Variants in GABRB2 observed in about 807,000 individuals in gnomAD.
GABRB2 encodes the protein gamma-aminobutyric acid type A receptor subunit beta2.
GABRB2 carries 16 observed loss-of-function variants against 54.7 expected under a neutral mutation model. The ratio of observed to expected loss-of-function variants is 0.29; its 90% CI spans 0.20 to 0.44. The LOEUF (loss-of-function observed/expected upper bound fraction) is 0.44. GABRB2 is among the 20% of genes least tolerant of loss of function. GABRB2 has a pLI of 1.00. For missense variants in GABRB2, 355 were observed against 644.0 expected, an observed-to-expected ratio of 0.55 and a Z score of 4.86; for synonymous variants, 244 against 233.8, an observed-to-expected ratio of 1.04 and a Z score of -0.40.
At position 161,381,995 on chromosome 5, in the gene GABRB2, T is replaced by C. The variant is rs1561630218; in HGVS notation, c.541+28980A>G. The stretch of plus-strand genomic sequence containing the variant: ...CCAGTTACATTATCTGGTTGCATGT[T>C]CAGCATCCTGTTCATTTCCATTTTG... On this transcript the variant is annotated intron_variant, in intron 5 of 9. Coordinates refer to ENST00000393959, the MANE Select transcript of GABRB2 (RefSeq NM_001371727.1). Among the ~76,000 whole-genome samples, 7 of 152,320 alleles carry C rather than the reference T, an allele frequency of 4.6e-5. No individual in the cohort carries two copies. In the South Asian group the frequency reaches 1.0e-3, roughly 23 times the overall value.
chr5:161,517,580 A>T (rs1759985937), intron 3 of GABRB2, among the ~76,000 whole-genome samples: 1 of 152,108 alleles, frequency 6.6e-6, no homozygotes, highest in Non-Finnish European at 1.5e-5. Context: ...GGACTGGTGT[A>T]AACACTCTCT....
chr5:161,347,487 C>T lies in GABRB2; in HGVS notation c.542-10718G>A, dbSNP rs143972467. Among the ~76,000 whole-genome samples the T allele has an allele frequency of 3.2e-3, 484 of 152,214 alleles. 2 individuals are homozygous for T. The highest frequency in any genetic ancestry group is 6.8e-3 in the Middle Eastern group (2 of 294). On this transcript the variant is annotated intron_variant, in intron 5 of 9. Coordinates refer to ENST00000393959, the MANE Select transcript of GABRB2 (RefSeq NM_001371727.1). ...GCAGAGGTAGAGTATTTCCCCACGC[C>T]TTGAATGTGAGCTGCCCTTGCTACT...
intron 3 of GABRB2, among the ~76,000 whole-genome samples, chr5:161,490,723 C>T (rs1759073266): frequency 6.6e-6 from 1 of 151,728 alleles, no homozygotes; most frequent in African/African-American, 2.4e-5. Flanking sequence ...ACACAGTAAA[C>T]TCACATTAAA....
chr5:161,478,885 C>G (rs535324991), intron 3 of GABRB2, among the ~76,000 whole-genome samples: 2 of 152,132 alleles, frequency 1.3e-5, no homozygotes, highest in African/African-American at 2.4e-5. Context: ...ATTTTAGGTG[C>G]TTATTTTCAT....
At chr5:161,321,952 C>A (rs1758223486) in intron 9 of GABRB2, among the ~76,000 whole-genome samples, 1 of 151,936 alleles carries the variant, frequency 6.6e-6, no homozygotes, top group African/African-American at 2.4e-5. Flanking sequence ...CAAAATTTTT[C>A]CAGGGAACAA....
chr5:161,464,564 C>T (rs1030064113), intron 3 of GABRB2, among the ~76,000 whole-genome samples: 2 of 152,028 alleles, frequency 1.3e-5, no homozygotes, highest in South Asian at 4.1e-4. Context: ...ATACATTTGA[C>T]ACAGAACCTA....
At chr5:161,503,574 G>A (rs1759512322) in intron 3 of GABRB2, among the ~76,000 whole-genome samples, 2 of 151,964 alleles carry the variant, frequency 1.3e-5, no homozygotes, top group South Asian at 4.2e-4. Flanking sequence ...CGGGCATGGT[G>A]GTGCATGCCT....
intron 5 of GABRB2, 101 bp downstream of exon 5, chr5:161,410,874 C>A (rs935831566): frequency 4.8e-6 from 4 of 828,866 alleles, no homozygotes; most frequent in Middle Eastern, 3.1e-4. Flanking sequence ...CTAGCAGAAC[C>A]TTTGCAGGGC....
chr5:161,385,885 C>G (rs905824441), intron 5 of GABRB2, among the ~76,000 whole-genome samples: 1 of 149,972 alleles, frequency 6.7e-6, no homozygotes, highest in African/African-American at 2.5e-5. Context: ...AGTAAAACAT[C>G]TAAAACATTT....
At chr5:161,463,070 T>A (rs1269261550) in intron 3 of GABRB2, among the ~76,000 whole-genome samples, 1 of 151,998 alleles carries the variant, frequency 6.6e-6, no homozygotes, top group Non-Finnish European at 1.5e-5. Context: ...ATTTACATAA[T>A]TAAAACTAAA....
chr5:161,347,582 G>A (rs1754354563), intron 5 of GABRB2, among the ~76,000 whole-genome samples: 1 of 152,002 alleles, frequency 6.6e-6, no homozygotes, highest in Non-Finnish European at 1.5e-5. Context: ...TGGATAGCCT[G>A]CAGTATGATG....
At chr5:161,457,206 G>A (rs1006534298) in intron 4 of GABRB2, among the ~76,000 whole-genome samples, 2 of 152,112 alleles carry the variant, frequency 1.3e-5, no homozygotes, top group Non-Finnish European at 2.9e-5. Flanking sequence ...GTGGGGAAGT[G>A]TTAATTCTAT....
At chr5:161,413,517 G>T (rs1352558479) in intron 4 of GABRB2, among the ~76,000 whole-genome samples, 3 of 152,084 alleles carry the variant, frequency 2.0e-5, no homozygotes, top group Non-Finnish European at 2.9e-5. Context: ...TTTTGGCTCT[G>T]TGACACTTGG....
chr5:161,465,191 A>G (rs1235657029), intron 3 of GABRB2, among the ~76,000 whole-genome samples: 1 of 152,098 alleles, frequency 6.6e-6, no homozygotes, highest in African/African-American at 2.4e-5. Flanking sequence ...CCAAGTCAAA[A>G]GAACAACTAT....
At chr5:161,526,106 A>G (rs1760270759) in intron 3 of GABRB2, among the ~76,000 whole-genome samples, 2 of 151,594 alleles carry the variant, frequency 1.3e-5, no homozygotes, top group South Asian at 2.1e-4. Flanking sequence ...TGTATATGGT[A>G]TATGTATTCC....
At chr5:161,310,057 C>A (rs1027502378) in intron 9 of GABRB2, among the ~76,000 whole-genome samples, 1 of 152,130 alleles carries the variant, frequency 6.6e-6, no homozygotes, top group Admixed American at 6.6e-5. Context: ...CAAACTAATG[C>A]AAGAACAGAA....
At chr5:161,408,681 G>C (rs1056720075) in intron 5 of GABRB2, among the ~76,000 whole-genome samples, 1 of 151,882 alleles carries the variant, frequency 6.6e-6, no homozygotes, top group African/African-American at 2.4e-5. Flanking sequence ...CCAGAGGGAG[G>C]GAGGAAAAGA....
intron 2 of GABRB2, 132 bp from the exon 3 acceptor site, chr5:161,545,426 GCTT>G (rs759003659): frequency 1.4e-4 from 48 of 342,334 alleles, no homozygotes; most frequent in African/African-American, 6.7e-4. Flanking sequence ...TCAATTCTCT[GCTT>G]TTTTTGTTAA....
intron 3 of GABRB2, among the ~76,000 whole-genome samples, chr5:161,520,615 T>C (rs1004640815): frequency 4.6e-5 from 7 of 152,074 alleles, no homozygotes; most frequent in Admixed American, 3.9e-4. Context: ...TTGAAGAGAT[T>C]GGGGCTCAGA....
Sources: allele counts gnomAD v4.1 joint callset (sites outside exome capture counted in the v4.1 genomes callset), GRCh38; gene constraint gnomAD v4.1.1; transcripts MANE v1.5; gene names NCBI Gene and HGNC (gene_info 2026-07-23, HGNC 2026-07-21).